Variants in SNAP23 observed in about 807,000 individuals in gnomAD.
The protein encoded by SNAP23 is synaptosome associated protein 23, also known as synaptosomal-associated protein 23.
A neutral mutation model predicts 29.0 loss-of-function variants in SNAP23; 11 were observed. The ratio of observed to expected loss-of-function variants is 0.38; its 90% CI spans 0.24 to 0.63. The LOEUF is 0.63. Among genes scored for constraint, SNAP23 ranks in the 20% least tolerant of loss-of-function variants. SNAP23 has a pLI of 0.58. For missense variants in SNAP23, 220 were observed against 253.9 expected (o/e 0.87, Z 0.91); for synonymous variants, 60 against 82.9 (o/e 0.72, Z 1.50).
intron 5 of SNAP23, among the ~76,000 whole-genome samples, chr15:42,520,338 C>T (rs949554129): frequency 2.6e-5 from 4 of 152,064 alleles, no homozygotes; most frequent in African/African-American, 7.2e-5. Flanking sequence ...CGTGAGCCAC[C>T]GCGCACAGCC....
At chr15:42,498,102 C>T (rs2057238842) in intron 1 of SNAP23, among the ~76,000 whole-genome samples, 1 of 152,280 alleles carries the variant, frequency 6.6e-6, no homozygotes, top group Admixed American at 6.5e-5. Context: ...GCATTGAGTG[C>T]CTGAGGCTTT....
intron 1 of SNAP23, among the ~76,000 whole-genome samples, chr15:42,511,328 A>G (rs1411599950): frequency 1.3e-5 from 2 of 152,200 alleles, no homozygotes; most frequent in African/African-American, 4.8e-5. Flanking sequence ...TCTTGTTAAG[A>G]GTGAAAGTAT....
At chr15:42,492,962 C>T (rs769256738), upstream of SNAP23, 11 of 152,170 alleles carry the variant, frequency 7.2e-5, no homozygotes, top group Non-Finnish European at 1.6e-4. Flanking sequence ...GCCAAGGTAA[C>T]GCTAGATTAT....
intron 7 of SNAP23, among the ~76,000 whole-genome samples, chr15:42,530,898 GT>G (rs2057558911): frequency 6.6e-6 from 1 of 152,176 alleles, no homozygotes; most frequent in Admixed American, 6.5e-5. Context: ...TGCAGTCTGG[GT>G]TTAGGCTATA....
chr15:42,503,917 G>T (rs1008447640), intron 1 of SNAP23, among the ~76,000 whole-genome samples: 1 of 152,164 alleles, frequency 6.6e-6, no homozygotes, highest in African/African-American at 2.4e-5. Context: ...AAAAAAATAT[G>T]TATGTATATT....
chr15:42,511,888 C>G lies in SNAP23; in HGVS notation c.42C>G (p.His14Gln). Residue 14 changes from histidine (H) to glutamine (Q), a missense_variant, in exon 2 of 8, where the codon CAC becomes CAG. Coordinates refer to ENST00000249647, the MANE Select transcript of SNAP23 (RefSeq NM_003825.4). ...LSSEEIQQRAHQITDESLEST... is the reference protein window; with the variant it reads ...LSSEEIQQRAQQITDESLEST... ...CAGAAGAAATTCAACAGAGAGCTCACCAGATTACTGATGAGGTAAATGTTT... is the reference window on the plus strand; with the variant it reads ...CAGAAGAAATTCAACAGAGAGCTCAGCAGATTACTGATGAGGTAAATGTTT... 1 of 1,592,822 alleles carries G rather than the reference C, an allele frequency of 6.3e-7. No homozygotes were observed. The highest frequency in any genetic ancestry group is 8.6e-7 in the Non-Finnish European group (1 of 1,166,206).
At chr15:42,503,650 G>A (rs933624089) in intron 1 of SNAP23, among the ~76,000 whole-genome samples, 7 of 152,046 alleles carry the variant, frequency 4.6e-5, no homozygotes, top group African/African-American at 1.4e-4. Flanking sequence ...GATTACAGGC[G>A]TGAGCCACCA....
chr15:42,519,996 C>T (rs1226218492), intron 5 of SNAP23, among the ~76,000 whole-genome samples: 2 of 148,850 alleles, frequency 1.3e-5, no homozygotes, highest in African/African-American at 2.5e-5. Context: ...ATCCAGGCTA[C>T]ACTATGTAGT....
intron 5 of SNAP23, among the ~76,000 whole-genome samples, chr15:42,524,422 G>T (rs982038259): frequency 2.6e-5 from 4 of 152,152 alleles, no homozygotes; most frequent in African/African-American, 9.7e-5. Context: ...AACAGAAACT[G>T]GTCCTCATAG....
At chr15:42,528,133 CT>C in intron 5 of SNAP23, 128 bp from the exon 6 acceptor site, 4 of 553,474 alleles carry the variant, frequency 7.2e-6, no homozygotes, top group South Asian at 3.4e-5. Context: ...TGTAGATCAT[CT>C]AGACTTAGCT....
intron 1 of SNAP23, among the ~76,000 whole-genome samples, chr15:42,507,246 C>G (rs1263026973): frequency 6.6e-6 from 1 of 152,178 alleles, no homozygotes; most frequent in African/African-American, 2.4e-5. Flanking sequence ...CTTAGTTTCT[C>G]CATCTGTAAA....
chr15:42,502,089 G>A (rs1431862353), intron 1 of SNAP23, among the ~76,000 whole-genome samples: 2 of 148,602 alleles, frequency 1.3e-5, no homozygotes, highest in African/African-American at 2.5e-5. Flanking sequence ...GTGCAGTGGC[G>A]CGATCTTGGC....
chr15:42,507,171 C>T (rs1056615892), intron 1 of SNAP23, among the ~76,000 whole-genome samples: 1 of 152,088 alleles, frequency 6.6e-6, no homozygotes, highest in Admixed American at 6.6e-5. Context: ...GAGTAGATCC[C>T]GACTTGAATA....
At chr15:42,501,173 A>C (rs2595940) in intron 1 of SNAP23, among the ~76,000 whole-genome samples, 86,849 of 152,032 alleles carry the variant, frequency 0.57, 29,999 homozygotes, top group East Asian at 0.79. Flanking sequence ...ATAAATTTCA[A>C]ACTTCTTGGT....
At chr15:42,504,384 T>G (rs2057300837) in intron 1 of SNAP23, among the ~76,000 whole-genome samples, 1 of 152,010 alleles carries the variant, frequency 6.6e-6, no homozygotes, top group South Asian at 2.1e-4. Flanking sequence ...AGTGAGACTC[T>G]GTCTCAAAAA....
Position 42,531,495 on chromosome 15 carries a change from CTTT to C in SNAP23, c.*18_*20del. On this transcript the variant is annotated 3_prime_UTR_variant, in exon 8 of 8. Transcript: ENST00000249647. ...GACAGCTAAAGCTACTGCTGTTCTT[CTTT>C]ATCATTTATTCACTTCCGTAGCTCC... 6.3e-7 allele frequency: 1 copy of C among 1,585,414 alleles called. No homozygotes were observed. Among genetic ancestry groups the C allele is most frequent in the Non-Finnish European group, 8.6e-7 (1 of 1,162,620 alleles).
chr15:42,518,844 A>G (rs1165680125), intron 5 of SNAP23, among the ~76,000 whole-genome samples: 1 of 152,012 alleles, frequency 6.6e-6, no homozygotes, highest in Admixed American at 6.6e-5. Context: ...TACTTGCTGT[A>G]GATATTAATT....
At chr15:42,524,403 C>T (rs6493050) in intron 5 of SNAP23, among the ~76,000 whole-genome samples, 7,226 of 152,238 alleles carry the variant, frequency 0.047, 571 homozygotes, top group African/African-American at 0.16. Flanking sequence ...TATTGGTCCA[C>T]GGCCTGTTAA....
chr15:42,492,847 A>G (rs2057184967), upstream of SNAP23: 1 of 152,184 alleles, frequency 6.6e-6, no homozygotes, highest in South Asian at 2.1e-4. Context: ...TGCTCATTCT[A>G]TTCTCCTTCA....
Sources: allele counts gnomAD v4.1 joint callset (sites outside exome capture counted in the v4.1 genomes callset), GRCh38; gene constraint gnomAD v4.1.1; transcripts MANE v1.5; gene names NCBI Gene and HGNC (gene_info 2026-07-23, HGNC 2026-07-21).